The following ETFDH variants were observed in gnomAD, a reference collection of about 807,000 sequenced individuals.
ETFDH encodes the protein electron transfer flavoprotein dehydrogenase.
ETFDH carries 61 observed loss-of-function variants against 73.2 expected under a neutral mutation model. The observed-to-expected ratio is 0.83, with a 90% CI of 0.68 to 1.03. The LOEUF (loss-of-function observed/expected upper bound fraction) is 1.03. Among genes scored for constraint, ETFDH ranks in the 50% least tolerant of loss-of-function variants. The pLI is 0.00. For missense variants in ETFDH, 685 were observed against 745.0 expected (o/e 0.92, Z 0.94); for synonymous variants, 243 against 253.3 (o/e 0.96, Z 0.39).
At chr4:158,677,161 C>T (rs1773730611) in intron 1 of ETFDH, among the ~76,000 whole-genome samples, 1 of 152,172 alleles carries the variant, frequency 6.6e-6, no homozygotes, top group African/African-American at 2.4e-5. Context: ...AAGCCAAACT[C>T]CATAAACTAT....
Position 158,679,623 on chromosome 4 carries a change from G to A in ETFDH, c.35-844G>A, listed in dbSNP as rs544905981. The A allele has an allele frequency of 2.6e-5, 4 of 152,264 alleles. No individual in the cohort carries two copies. In the South Asian group the frequency reaches 8.3e-4, roughly 32 times the overall value. The allele number at this position is 152,264 out of a possible 1,614,324, so 9.4% of individuals were successfully genotyped here. ...TATGAGGTTTGATGCTAGGGTACCT[G>A]CCCTGGATAAAGGAAAGAAGAGGTG... On this transcript the variant is annotated intron_variant, in intron 1 of 12. Coordinates refer to ENST00000511912, the MANE Select transcript of ETFDH (RefSeq NM_004453.4).
chr4:158,700,658 C>T (rs1561248586), intron 9 of ETFDH: 1 of 151,686 alleles, frequency 6.6e-6, no homozygotes. Context: ...AACTTATTTC[C>T]AGTTAAGGTC....
At chr4:158,704,327 GA>G (rs1774550002) in intron 10 of ETFDH, among the ~76,000 whole-genome samples, 1 of 152,150 alleles carries the variant, frequency 6.6e-6, no homozygotes, top group Non-Finnish European at 1.5e-5. Context: ...GTGGTGGAGA[GA>G]AACAGCCAGC....
intron 6 of ETFDH, among the ~76,000 whole-genome samples, chr4:158,693,615 GTTTC>G (rs992060825): frequency 1.3e-5 from 2 of 152,172 alleles, no homozygotes; most frequent in African/African-American, 4.8e-5. Context: ...TTTGCTGGTT[GTTTC>G]TTTCTGGTGA....
rs1259368875 is a variant in ETFDH, at chr4:158,672,336, A to C, written c.-121A>C. The C allele has an allele frequency of 2.0e-6, 2 of 991,362 alleles. No homozygotes were observed. The highest frequency in any genetic ancestry group is 3.3e-6 in the Non-Finnish European group (2 of 614,130). 61.4% of individuals were successfully genotyped at this position (991,362 alleles called of 1,614,324 possible). A position where few individuals can be genotyped will look rare whatever the true frequency, so the allele number is the denominator to read the frequency against. ...TCGGCAGAGCGGGGAGGCGAACTGC[A>C]GCAGAGTTCTTGCTTTCCGGCAGGT... On this transcript the variant is annotated 5_prime_UTR_variant, in exon 1 of 13. Transcript: ENST00000511912.
At chr4:158,673,341 C>T (rs192180892) in intron 1 of ETFDH, among the ~76,000 whole-genome samples, 1 of 152,148 alleles carries the variant, frequency 6.6e-6, no homozygotes, top group African/African-American at 2.4e-5. Context: ...AGGGCTTTAT[C>T]GTGTTATGGG....
chr4:158,702,636 CAAT>C (rs1279521018), intron 9 of ETFDH, among the ~76,000 whole-genome samples: 1 of 152,092 alleles, frequency 6.6e-6, no homozygotes, highest in Non-Finnish European at 1.5e-5. Context: ...TCACAGATGA[CAAT>C]ATTTCATTTG....
intron 1 of ETFDH, 88 bp downstream of exon 1, chr4:158,672,578 C>G: frequency 2.3e-6 from 3 of 1,313,384 alleles, no homozygotes; most frequent in Non-Finnish European, 3.3e-6. Context: ...ACCTCTCGCC[C>G]CTTCTCTCAT....
intron 1 of ETFDH, among the ~76,000 whole-genome samples, chr4:158,676,964 G>A (rs772170852): frequency 2.0e-5 from 3 of 151,804 alleles, no homozygotes; most frequent in Admixed American, 6.6e-5. Context: ...GTCCATTATC[G>A]GATATATGAT....
Position 158,701,315 on chromosome 4 carries a change from C to A in ETFDH, c.1117-2108C>A, listed in dbSNP as rs76986952. Among the ~76,000 whole-genome samples the A allele has an allele frequency of 6.2e-4, 95 of 152,316 alleles. No individual in the cohort carries two copies. In the East Asian group the frequency reaches 0.018, roughly 28 times the overall value. Reference sequence around the variant, plus strand: ...CAGCCTTATTTGAGAAAAGCATTGTCATCATCTAAGTCCCTAATCTTTATC... The same window carrying A: ...CAGCCTTATTTGAGAAAAGCATTGTAATCATCTAAGTCCCTAATCTTTATC... On this transcript the variant is annotated intron_variant, in intron 9 of 12. Coordinates refer to ENST00000511912, the MANE Select transcript of ETFDH (RefSeq NM_004453.4).
chr4:158,703,636 T>G, intron 10 of ETFDH, 45 bp downstream of exon 10: 5 of 1,165,166 alleles, frequency 4.3e-6, no homozygotes, highest in Non-Finnish European at 5.2e-6. Flanking sequence ...ATTGCTGGGT[T>G]ATGTGTATTT....
intron 1 of ETFDH, among the ~76,000 whole-genome samples, chr4:158,676,160 G>A (rs376837932): frequency 6.6e-6 from 1 of 152,126 alleles, no homozygotes; most frequent in South Asian, 2.1e-4. Context: ...TGGAGACTGG[G>A]GATTTTAAGG....
intron 5 of ETFDH, 23 bp from the exon 6 acceptor site, chr4:158,690,325 A>T: frequency 7.5e-7 from 1 of 1,338,596 alleles, no homozygotes; most frequent in Non-Finnish European, 1.1e-6. Context: ...GGTATTAATA[A>T]ATTTGTTTTT....
Position 158,703,429 on chromosome 4 carries a change from C to T in ETFDH, c.1123C>T (p.Pro375Ser). Reference protein sequence around the residue: ...ALNEGGFQSIPKLTFPGGLLI... With the variant: ...ALNEGGFQSISKLTFPGGLLI... ...TGAATCTTTGTTTCCTCAGTCTATACCAAAACTCACCTTTCCTGGTGGTTT... is the reference window on the plus strand; with the variant it reads ...TGAATCTTTGTTTCCTCAGTCTATATCAAAACTCACCTTTCCTGGTGGTTT... The change falls in exon 10 of 13, where the codon CCA becomes TCA. Residue 375 changes from proline (P) to serine (S), a missense_variant. Physicochemically the swap from Pro to Ser is moderately conservative, Grantham distance 74. Coordinates refer to ENST00000511912, the MANE Select transcript of ETFDH (RefSeq NM_004453.4). 6.2e-7 allele frequency: 1 copy of T among 1,609,424 alleles called. No individual in the cohort carries two copies. Among genetic ancestry groups the T allele is most frequent in the Non-Finnish European group, 8.5e-7 (1 of 1,175,892 alleles).
In ETFDH at chr4:158,708,415, TA is replaced by T. The variant is rs1774698674; in HGVS notation, c.1745del (p.Asn582MetfsTer57). 5 of 1,612,116 alleles carry T rather than the reference TA, an allele frequency of 3.1e-6. No individual in the cohort carries two copies. Among genetic ancestry groups the T allele is most frequent in the Non-Finnish European group, 4.2e-6 (5 of 1,178,192 alleles). ...CAAGGTGATGGATTTCGGTTACAGA[TA>T]AATGCTCAGAACTGTGTACATTGTA... ...VEQGDGFRLQ[I>X]NAQNCVHCKT... On this transcript the variant is annotated frameshift_variant, in exon 13 of 13. Transcript: ENST00000511912. LOFTEE classifies it high-confidence loss of function.
rs1282367437 is a variant in ETFDH, at chr4:158,699,074, G to C, written c.1060G>C (p.Glu354Gln). The change falls in exon 9 of 13, where the codon GAA (glutamate) becomes CAA (glutamine). Residue 354 changes from glutamate (E) to glutamine (Q), a missense_variant. Coordinates refer to ENST00000511912, the MANE Select transcript of ETFDH (RefSeq NM_004453.4). ...CCATCCTAGCATTCGGCCAACCTTG[G>C]AAGGTGGAAAAAGGATTGCATACGG... ...KHHPSIRPTLEGGKRIAYGAR... is the reference protein window; with the variant it reads ...KHHPSIRPTLQGGKRIAYGAR... 1 of 1,614,024 alleles carries C rather than the reference G, an allele frequency of 6.2e-7. No homozygotes were observed. The highest frequency in any genetic ancestry group is 1.7e-5 in the Admixed American group (1 of 60,010).
At chr4:158,676,362 C>T (rs2150302479) in intron 1 of ETFDH, among the ~76,000 whole-genome samples, 1 of 152,254 alleles carries the variant, frequency 6.6e-6, no homozygotes, top group Non-Finnish European at 1.5e-5. Context: ...TGCAAAATAT[C>T]TCAAGTAGTG....
At chr4:158,675,564 C>T (rs1022775219) in intron 1 of ETFDH, among the ~76,000 whole-genome samples, 6 of 152,018 alleles carry the variant, frequency 3.9e-5, no homozygotes, top group South Asian at 2.1e-4. Flanking sequence ...CCCAGGATTT[C>T]GAGATCAGCT....
In ETFDH at chr4:158,685,166, G is replaced by A. The variant is rs755706413; in HGVS notation, c.553G>A (p.Glu185Lys). 3.4e-5 allele frequency: 55 copies of A among 1,612,614 alleles called. No individual in the cohort carries two copies. Among genetic ancestry groups the A allele is most frequent in the Admixed American group, 5.0e-5 (3 of 59,998 alleles). Residue 185 changes from glutamate to lysine, a missense_variant, in exon 5 of 13, where the codon GAA becomes AAA. This residue lies in a region of ETFDH where 405 missense variants were observed against 399.3 expected (regional missense o/e 1.01). Coordinates refer to ENST00000511912, the MANE Select transcript of ETFDH (RefSeq NM_004453.4). ...RLGHLVSWMG[E>K]QAEALGVEVY... ...GGGACATTTAGTGAGCTGGATGGGCGAACAAGCAGAAGCCCTTGGTGTTGA... is the reference window on the plus strand; with the variant it reads ...GGGACATTTAGTGAGCTGGATGGGCAAACAAGCAGAAGCCCTTGGTGTTGA...
Sources: gnomAD v4.1 joint callset for allele counts (sites outside exome capture counted in the v4.1 genomes callset) on GRCh38, gnomAD v4.1.1 for gene constraint, gnomAD v4.1.1 regional missense constraint, MANE v1.5 for transcripts, NCBI Gene and HGNC (gene_info 2026-07-23, HGNC 2026-07-21) for gene names.